The following DARS1 variants were observed in gnomAD, a reference collection of about 807,000 sequenced individuals.
DARS1 encodes the protein aspartate--tRNA ligase, cytoplasmic.
In DARS1, 51 loss-of-function variants were observed where a neutral mutation model predicts 68.8. The observed-to-expected ratio is 0.74, with a 90% CI of 0.59 to 0.94. The LOEUF (loss-of-function observed/expected upper bound fraction) is 0.94. DARS1 is among the 40% of genes least tolerant of loss of function. The pLI is 0.00. For synonymous variants in DARS1, 203 were observed against 190.4 expected (o/e 1.07, Z -0.55); for missense variants, 607 against 597.3 (o/e 1.02, Z -0.17).
At chr2:135,907,729 C>T (rs1303884418) in intron 15 of DARS1, among the ~76,000 whole-genome samples, 4 of 152,032 alleles carry the variant, frequency 2.6e-5, no homozygotes, top group East Asian at 1.9e-4. Flanking sequence ...TAAGCTTGAA[C>T]GTTTCAAATG....
At chr2:135,931,737 A>G (rs901596399) in intron 7 of DARS1, among the ~76,000 whole-genome samples, 10 of 152,162 alleles carry the variant, frequency 6.6e-5, no homozygotes, top group Non-Finnish European at 1.3e-4. Context: ...AATCCTGTAT[A>G]TGTCCTATCT....
chr2:135,966,749 G>A (rs1682245796), intron 3 of DARS1, among the ~76,000 whole-genome samples: 1 of 152,006 alleles, frequency 6.6e-6, no homozygotes, highest in Non-Finnish European at 1.5e-5. Flanking sequence ...GGTCAGGCTG[G>A]TCTCGAACTC....
chr2:135,907,228 A>C lies in DARS1; in HGVS notation c.*88T>G, dbSNP rs1484603974. Reference sequence around the variant, plus strand: ...GTGCACTAGCAGGTTACTGAAAAGAATAAGTGTGGCTTTCTTTTTTTTTTT... The same window carrying C: ...GTGCACTAGCAGGTTACTGAAAAGACTAAGTGTGGCTTTCTTTTTTTTTTT... On this transcript the variant is annotated 3_prime_UTR_variant, in exon 16 of 16. Transcript: ENST00000264161. 2 of 810,492 alleles carry C rather than the reference A, an allele frequency of 2.5e-6. No individual in the cohort carries two copies. The highest frequency in any genetic ancestry group is 5.9e-5 in the East Asian group (2 of 33,752). The allele number at this position is 810,492 out of a possible 1,614,324, so 50.2% of individuals were successfully genotyped here.
At chr2:135,908,831 C>T (rs1191454432) in intron 15 of DARS1, among the ~76,000 whole-genome samples, 2 of 152,096 alleles carry the variant, frequency 1.3e-5, no homozygotes, top group East Asian at 1.9e-4. Context: ...GATACATGCA[C>T]GTGTATGTTC....
At chr2:135,979,441 T>C (rs1253370769) in intron 2 of DARS1, 75 bp from the exon 3 acceptor site, 1 of 772,318 alleles carries the variant, frequency 1.3e-6, no homozygotes, top group African/African-American at 1.8e-5. Context: ...ATCATAATTA[T>C]TTTTGACAGC....
intron 3 of DARS1, among the ~76,000 whole-genome samples, chr2:135,978,133 ACT>A (rs1457667268): frequency 1.5e-5 from 2 of 129,606 alleles, no homozygotes; most frequent in Admixed American, 8.9e-5. Flanking sequence ...ACAGAGCAAG[ACT>A]CTGTCTCAAA....
At chr2:135,931,217 G>A (rs1027476973) in intron 7 of DARS1, among the ~76,000 whole-genome samples, 1 of 152,074 alleles carries the variant, frequency 6.6e-6, no homozygotes, top group Non-Finnish European at 1.5e-5. Context: ...AGAGCTAGTT[G>A]GGGACTAAAT....
At position 135,983,530 on chromosome 2, in the gene DARS1, T is replaced by C. The variant is rs749768793; in HGVS notation, c.67-76A>G. 1.8e-5 allele frequency: 11 copies of C among 610,328 alleles called. 1 individual carries two copies. Among genetic ancestry groups the C allele is most frequent in the Non-Finnish European group, 3.2e-5 (11 of 347,480 alleles). 37.8% of individuals were successfully genotyped at this position (610,328 alleles called of 1,614,324 possible). A position where few individuals can be genotyped will look rare whatever the true frequency, so the allele number is the denominator to read the frequency against. On this transcript the variant is annotated intron_variant, in intron 1 of 15. Transcript: ENST00000264161. ...ACAGTAAACACATAAATACTAATAA[T>C]AGAATATAAAAATGAATTTAACTTT...
In DARS1 at chr2:135,928,013, A is replaced by G. The variant is rs373308393; in HGVS notation, c.565-3515T>C. The stretch of plus-strand genomic sequence containing the variant: ...AGAAGAGAGGCAGGTACATGGAGAG[A>G]AGTAAGGGTGTTGAGAGAAAGAATT... On this transcript the variant is annotated intron_variant, in intron 7 of 15. Coordinates refer to ENST00000264161, the MANE Select transcript of DARS1 (RefSeq NM_001349.4). Among the ~76,000 whole-genome samples the G allele has an allele frequency of 6.2e-4, 95 of 152,310 alleles. 8 individuals carry two copies. In the Middle Eastern group the frequency reaches 0.11, roughly 175 times the overall value.
At chr2:135,947,024 C>T (rs1489737758) in intron 4 of DARS1, among the ~76,000 whole-genome samples, 2 of 152,162 alleles carry the variant, frequency 1.3e-5, no homozygotes, top group African/African-American at 4.8e-5. Context: ...TCAAGTGATC[C>T]ACCTGCCTCT....
intron 12 of DARS1, among the ~76,000 whole-genome samples, chr2:135,914,006 A>C (rs1456248037): frequency 2.0e-5 from 3 of 152,214 alleles, no homozygotes; most frequent in Non-Finnish European, 4.4e-5. Flanking sequence ...AAAAATTTTA[A>C]AAAGATCATA....
intron 3 of DARS1, among the ~76,000 whole-genome samples, chr2:135,977,132 C>T (rs1682518997): frequency 6.6e-6 from 1 of 152,178 alleles, no homozygotes; most frequent in Non-Finnish European, 1.5e-5. Flanking sequence ...CTGTCATGCT[C>T]ATTAACATGA....
intron 2 of DARS1, among the ~76,000 whole-genome samples, chr2:135,982,440 C>CA (rs1249915767): frequency 3.3e-5 from 5 of 149,558 alleles, no homozygotes; most frequent in Admixed American, 6.7e-5. Context: ...TACTAAAATA[C>CA]AAAAAAAAAG....
chr2:135,926,491 T>C (rs1252781941), intron 7 of DARS1, among the ~76,000 whole-genome samples: 1 of 152,162 alleles, frequency 6.6e-6, no homozygotes, highest in African/African-American at 2.4e-5. Context: ...CATCCTAATT[T>C]CCACCTAGGA....
Position 135,916,298 on chromosome 2 carries a change from C to T in DARS1, c.1034G>A (p.Arg345Lys), listed in dbSNP as rs746183495. Residue 345 changes from arginine (R) to lysine (K), a missense_variant, in exon 11 of 16, where the codon AGA becomes AAA. Coordinates refer to ENST00000264161, the MANE Select transcript of DARS1 (RefSeq NM_001349.4). ...EPFKFLEPTL[R>K]LEYCEALAML... ...AGCCAATGCTTCACAATATTCTAGT[C>T]TTAGAGTTGGCTCCAAAAATTTGAA... is the stretch of plus-strand genomic sequence containing the variant. 6.4e-7 allele frequency: 1 copy of T among 1,553,820 alleles called. No homozygotes were observed.
At chr2:135,918,819 T>C (rs764318598) in intron 10 of DARS1, among the ~76,000 whole-genome samples, 4 of 152,246 alleles carry the variant, frequency 2.6e-5, no homozygotes, top group Non-Finnish European at 5.9e-5. Flanking sequence ...TTCTAAAGTA[T>C]ATTTTGTCTT....
chr2:135,915,941 A>G (rs1260646806), intron 11 of DARS1, among the ~76,000 whole-genome samples: 1 of 152,224 alleles, frequency 6.6e-6, no homozygotes, highest in African/African-American at 2.4e-5. Context: ...AAACTATAGT[A>G]AACACTTTTA....
intron 3 of DARS1, 26 bp from the exon 4 acceptor site, chr2:135,961,524 T>C (rs755258157): frequency 3.7e-6 from 4 of 1,072,536 alleles, no homozygotes; most frequent in South Asian, 1.2e-5. Context: ...AGAACACAAA[T>C]GTATTAAGGA....
intron 2 of DARS1, among the ~76,000 whole-genome samples, chr2:135,982,272 A>C (rs1040354699): frequency 2.6e-5 from 4 of 152,166 alleles, no homozygotes; most frequent in African/African-American, 9.6e-5. Flanking sequence ...TACAGGTCTG[A>C]GAGAAACAAC....
Sources: gnomAD v4.1 joint callset for allele counts (sites outside exome capture counted in the v4.1 genomes callset) on GRCh38, gnomAD v4.1.1 for gene constraint, MANE v1.5 for transcripts, NCBI Gene and HGNC (gene_info 2026-07-23, HGNC 2026-07-21) for gene names.